The following GNPDA2 variants were observed in gnomAD, a reference collection of about 807,000 sequenced individuals.
The protein encoded by GNPDA2 is glcN6P deaminase 2.
A neutral mutation model predicts 27.0 loss-of-function variants in GNPDA2; 24 were observed. That is an observed-to-expected ratio of 0.89 (90% CI 0.64 to 1.25). The LOEUF (loss-of-function observed/expected upper bound fraction) is 1.25, where lower values mean the gene tolerates loss of function less well. Ranked by LOEUF, GNPDA2 falls within the 50% of genes most tolerant of loss-of-function variation. The pLI is 0.00. For synonymous variants in GNPDA2, 94 were observed against 108.4 expected (o/e 0.87, Z 0.83); for missense variants, 286 against 335.1 (o/e 0.85, Z 1.14).
At chr4:44,712,746 G>A (rs1198734075) in intron 4 of GNPDA2, among the ~76,000 whole-genome samples, 3 of 152,184 alleles carry the variant, frequency 2.0e-5, no homozygotes, top group Non-Finnish European at 4.4e-5. Flanking sequence ...TTATAGAAGT[G>A]TACAGCTAAG....
At chr4:44,704,145 T>G in intron 6 of GNPDA2, 2 of 985,104 alleles carry the variant, frequency 2.0e-6, no homozygotes, top group Non-Finnish European at 2.4e-6. Flanking sequence ...GAAGTGTTTG[T>G]GTAGTAGGAG....
At chr4:44,717,692 A>G (rs1337119934) in intron 3 of GNPDA2, among the ~76,000 whole-genome samples, 2 of 151,960 alleles carry the variant, frequency 1.3e-5, no homozygotes, top group Non-Finnish European at 2.9e-5. Context: ...TAAATTAAGT[A>G]GCCATTCAAG....
chr4:44,705,172 A>C, intron 6 of GNPDA2: 17 of 983,928 alleles, frequency 1.7e-5, no homozygotes, highest in Non-Finnish European at 2.1e-5. Flanking sequence ...TGTGAATGGA[A>C]TTTGAAGAGT....
Position 44,702,079 on chromosome 4 carries a change from C to T in GNPDA2, c.*1002G>A, listed in dbSNP as rs1577576672. 2 of 984,998 alleles carry T rather than the reference C, an allele frequency of 2.0e-6. No individual in the cohort carries two copies. The highest frequency in any genetic ancestry group is 2.4e-6 in the Non-Finnish European group (2 of 829,262). 61.0% of individuals were successfully genotyped at this position (984,998 alleles called of 1,614,324 possible). Reference sequence around the variant, plus strand: ...GATGGTAACAAACCCAAAATGAATGCAGGTTCACATGTACTATAATTGTTG... The same window carrying T: ...GATGGTAACAAACCCAAAATGAATGTAGGTTCACATGTACTATAATTGTTG... On this transcript the variant is annotated 3_prime_UTR_variant, in exon 7 of 7. Transcript: ENST00000295448.
chr4:44,722,109 T>G lies in GNPDA2; in HGVS notation c.99A>C (p.Arg33Ser). The G allele has an allele frequency of 2.5e-6, 4 of 1,612,130 alleles. No homozygotes were observed. Among genetic ancestry groups the G allele is most frequent in the Non-Finnish European group, 3.4e-6 (4 of 1,178,808 alleles). ...CTGTTGGTAAACCCAGTGTAAAATA[T>G]CTGTCCTGTCCAGGTTTGAACTGAA... ...RIIQFKPGQD[R>S]YFTLGLPTGS... The change falls in exon 2 of 7, where the codon AGA becomes AGC. Residue 33 changes from arginine (R) to serine (S), a missense_variant. By Grantham distance (110) the Arg-to-Ser change is moderately radical. Coordinates refer to ENST00000295448, the MANE Select transcript of GNPDA2 (RefSeq NM_138335.3).
rs35046303 is a variant in GNPDA2, at chr4:44,711,809, G to GTATATATATATA, written c.410-684_410-673dup. Among the ~76,000 whole-genome samples the GTATATATATATA allele has an allele frequency of 1.7e-4, 18 of 103,400 alleles. 1 individual carries two copies. The highest frequency in any genetic ancestry group is 3.0e-4 in the African/African-American group (10 of 33,778). The allele number at this position is 103,400 out of a possible 152,430, so 67.8% of individuals were successfully genotyped here. On this transcript the variant is annotated intron_variant, in intron 4 of 6. Transcript: ENST00000295448. ...AAATAACATTTGATATTGCAATCTA[G>GTATATATATATA]TATATATATATATATATATACACAT...
chr4:44,702,151 T>A lies in GNPDA2; in HGVS notation c.*930A>T. ...TCAGGTTCACTTCTGGAAATTTAGA[T>A]AACTTATTTATTACACGCTTTATTT... On this transcript the variant is annotated 3_prime_UTR_variant, in exon 7 of 7. Coordinates refer to ENST00000295448, the MANE Select transcript of GNPDA2 (RefSeq NM_138335.3). The A allele has an allele frequency of 1.1e-6, 1 of 920,438 alleles. No individual in the cohort carries two copies. The highest frequency in any genetic ancestry group is 1.3e-6 in the Non-Finnish European group (1 of 770,332). The allele number at this position is 920,438 out of a possible 1,614,324, so 57.0% of individuals were successfully genotyped here. A position where few individuals can be genotyped will look rare whatever the true frequency, so the allele number is the denominator to read the frequency against.
chr4:44,716,405 T>C (rs1717286310), intron 4 of GNPDA2, among the ~76,000 whole-genome samples: 1 of 151,970 alleles, frequency 6.6e-6, no homozygotes, highest in African/African-American at 2.4e-5. Context: ...GTTTAGTTGA[T>C]GTTGAACTAT....
intron 4 of GNPDA2, among the ~76,000 whole-genome samples, chr4:44,716,538 T>C (rs536874990): frequency 2.0e-5 from 3 of 151,920 alleles, no homozygotes; most frequent in African/African-American, 7.2e-5. Flanking sequence ...ATATATAAAT[T>C]ACAAGTGGAA....
At chr4:44,710,412 T>A (rs1180007843) in intron 5 of GNPDA2, among the ~76,000 whole-genome samples, 1 of 152,068 alleles carries the variant, frequency 6.6e-6, no homozygotes, top group Non-Finnish European at 1.5e-5. Flanking sequence ...ACAGCCCAAT[T>A]TAAAAAAACT....
chr4:44,722,148 G>A lies in GNPDA2; in HGVS notation c.60C>T (p.Ile20=). 6.2e-7 allele frequency: 1 copy of A among 1,613,250 alleles called. No homozygotes were observed. Among genetic ancestry groups the A allele is most frequent in the Non-Finnish European group, 8.5e-7 (1 of 1,179,292 alleles). Residue 20 remains isoleucine (I), a synonymous_variant, in exon 2 of 7, where the codon ATC becomes ATT. Coordinates refer to ENST00000295448, the MANE Select transcript of GNPDA2 (RefSeq NM_138335.3). ...DLASEWAAKY[I]CNRIIQFKPG... is the part of the protein sequence containing the mutation. ...GTTTGAACTGAATGATGCGATTACA[G>A]ATGTATTTGGCTGCCCATTCACTAG... is the stretch of plus-strand genomic sequence containing the variant.
In GNPDA2 at chr4:44,710,567, T is replaced by C. The variant is rs186894963; in HGVS notation, c.594+386A>G. On this transcript the variant is annotated intron_variant, in intron 5 of 6. Coordinates refer to ENST00000295448, the MANE Select transcript of GNPDA2 (RefSeq NM_138335.3). Reference sequence around the variant, plus strand: ...CTACATAACATACAGTCAAAAAGCATTTAAATCATCCTGTGAGCTCCAAAA... The same window carrying C: ...CTACATAACATACAGTCAAAAAGCACTTAAATCATCCTGTGAGCTCCAAAA... Among the ~76,000 whole-genome samples the C allele has an allele frequency of 2.2e-4, 34 of 152,240 alleles. No homozygotes were observed. In the East Asian group the frequency reaches 4.8e-3, roughly 22 times the overall value.
At position 44,703,716 on chromosome 4, in the gene GNPDA2, C is replaced by T. The variant is rs906316764; in HGVS notation, c.770-574G>A. 10 of 982,790 alleles carry T rather than the reference C, an allele frequency of 1.0e-5. No individual in the cohort carries two copies. The Admixed American group carries it at 2.5e-4, about 24-fold the overall frequency. 60.9% of individuals were successfully genotyped at this position (982,790 alleles called of 1,614,324 possible). ...ATCATTTAATTCAGAATAGAAATTA[C>T]GATTTTAAATCCGGTAGATTATAAC... is the stretch of plus-strand genomic sequence containing the variant. On this transcript the variant is annotated intron_variant, in intron 6 of 6. Transcript: ENST00000295448.
At position 44,710,050 on chromosome 4, in the gene GNPDA2, T is replaced by A. The variant is rs1577584988; in HGVS notation, c.594+903A>T. On this transcript the variant is annotated intron_variant, in intron 5 of 6. Coordinates refer to ENST00000295448, the MANE Select transcript of GNPDA2 (RefSeq NM_138335.3). ...GTATTAAAACTTACATCTTGTTAAA[T>A]GTAATCTATTACATAACTCAGTTTC... Among the ~76,000 whole-genome samples the A allele has an allele frequency of 2.0e-5, 3 of 152,290 alleles. No homozygotes were observed. The Middle Eastern group carries it at 0.01, about 518-fold the overall frequency.
chr4:44,710,854 G>T (rs1716929035), intron 5 of GNPDA2, 99 bp downstream of exon 5: 1 of 984,814 alleles, frequency 1.0e-6, no homozygotes, highest in Non-Finnish European at 1.4e-6. Context: ...ACTGCAAATA[G>T]AATGCAATCA....
chr4:44,718,001 G>T (rs2109715091), intron 3 of GNPDA2, among the ~76,000 whole-genome samples: 1 of 151,952 alleles, frequency 6.6e-6, no homozygotes, highest in Middle Eastern at 3.4e-3. Context: ...GAAAAAAAGA[G>T]AATAAGAAAT....
chr4:44,704,611 C>CT (rs1185260263), intron 6 of GNPDA2: 1 of 795,924 alleles, frequency 1.3e-6, no homozygotes, highest in Non-Finnish European at 1.5e-6. Flanking sequence ...TTTACTGTGA[C>CT]TTTAGGTAAA....
intron 5 of GNPDA2, among the ~76,000 whole-genome samples, chr4:44,709,812 A>C (rs1045793486): frequency 4.0e-5 from 6 of 151,836 alleles, no homozygotes; most frequent in African/African-American, 1.5e-4. Flanking sequence ...AAAAAAAAAA[A>C]ATGAAAAATT....
intron 4 of GNPDA2, chr4:44,714,268 T>A: frequency 1.0e-6 from 1 of 983,826 alleles, no homozygotes; most frequent in Non-Finnish European, 1.2e-6. Flanking sequence ...AGCCACCGGA[T>A]CCCAGCCCTA....
Sources: allele counts gnomAD v4.1 joint callset (sites outside exome capture counted in the v4.1 genomes callset), GRCh38; gene constraint gnomAD v4.1.1; transcripts MANE v1.5; gene names NCBI Gene and HGNC (gene_info 2026-07-23, HGNC 2026-07-21).